The following COL27A1 variants were observed in gnomAD, a reference collection of about 807,000 sequenced individuals.
COL27A1 encodes the protein collagen alpha-1(XXVII) chain.
In COL27A1, 106 loss-of-function variants were observed where a neutral mutation model predicts 251.3. The observed-to-expected ratio is 0.42, with a 90% CI of 0.36 to 0.50. COL27A1 has a LOEUF of 0.50. Among genes scored for constraint, COL27A1 ranks in the 20% least tolerant of loss-of-function variants. The pLI is 0.00. For missense variants in COL27A1, 2,325 were observed against 2,522.8 expected (o/e 0.92, Z 1.68); for synonymous variants, 1,000 against 986.3 (o/e 1.01, Z -0.26).
chr9:114,301,456 T>C lies in COL27A1; in HGVS notation c.4803T>C (p.Gly1601=), dbSNP rs1157304350. Residue 1601 remains glycine (G), a synonymous_variant, in exon 54 of 61, where the codon GGT becomes GGC. Transcript: ENST00000356083. ...CTGTCTCCCTCCAGGGATTGCAAGG[T>C]CCGAGGGTGAGTGGGCTGGGCATGA... is the stretch of plus-strand genomic sequence containing the variant. ...KGSRGDWGLQ[G]PRGPPGPRGR... is the part of the protein sequence containing the mutation. 1 of 1,463,160 alleles carries C rather than the reference T, an allele frequency of 6.8e-7. No individual in the cohort carries two copies. Among genetic ancestry groups the C allele is most frequent in the South Asian group, 1.1e-5 (1 of 89,060 alleles). 90.6% of individuals were successfully genotyped at this position (1,463,160 alleles called of 1,614,324 possible).
chr9:114,184,649 C>G (rs1828192573), intron 5 of COL27A1, among the ~76,000 whole-genome samples: 1 of 152,212 alleles, frequency 6.6e-6, no homozygotes, highest in East Asian at 1.9e-4. Flanking sequence ...ATACTGAACC[C>G]TTCCTGTGTG....
Position 114,253,069 on chromosome 9 carries a change from GACAA to G in COL27A1, c.3141+141_3141+144del, listed in dbSNP as rs1833650844. The G allele has an allele frequency of 4.1e-6, 3 of 723,250 alleles. No homozygotes were observed. The Admixed American group carries it at 7.6e-5, about 18-fold the overall frequency. The allele number at this position is 723,250 out of a possible 1,614,324, so 44.8% of individuals were successfully genotyped here. A position where few individuals can be genotyped will look rare whatever the true frequency, so the allele number is the denominator to read the frequency against. On this transcript the variant is annotated intron_variant, in intron 27 of 60. Coordinates refer to ENST00000356083, the MANE Select transcript of COL27A1 (RefSeq NM_032888.4). ...TGAGGCCAGAGTTCAAGACCAGCCT[GACAA>G]ACATACCAAAACCTTGTCTCTACGG...
intron 36 of COL27A1, chr9:114,272,632 T>A (rs976338986): frequency 6.6e-6 from 1 of 152,230 alleles, no homozygotes; most frequent in Non-Finnish European, 1.5e-5. Flanking sequence ...ATGATGGTGG[T>A]GGTGACCAAT....
At chr9:114,155,234 C>T (rs1265313376), upstream of COL27A1, among the ~76,000 whole-genome samples, 1 of 152,090 alleles carries the variant, frequency 6.6e-6, no homozygotes, top group African/African-American at 2.4e-5. This position sits in a 1 kb window ranked among gnomAD's most constrained non-coding sequence, Gnocchi z 5.5. Context: ...CCTACCCCAA[C>T]CCCCCATTGG....
At chr9:114,193,099 G>A (rs1383223727) in intron 5 of COL27A1, among the ~76,000 whole-genome samples, 1 of 152,160 alleles carries the variant, frequency 6.6e-6, no homozygotes, top group East Asian at 1.9e-4. Flanking sequence ...CTTGCCTGAG[G>A]TCCCACTGTG....
In COL27A1 at chr9:114,282,391, C is replaced by A. The variant is rs148528325; in HGVS notation, c.3771+61C>A. On this transcript the variant is annotated intron_variant, in intron 38 of 60. Transcript: ENST00000356083. Reference sequence around the variant, plus strand: ...CCTCCCCCGCATCCCTTCCCCACATCCCTCCCCTCCCTGGACCCTCCGTCC... The same window carrying A: ...CCTCCCCCGCATCCCTTCCCCACATACCTCCCCTCCCTGGACCCTCCGTCC... 19 of 1,601,154 alleles carry A rather than the reference C, an allele frequency of 1.2e-5. No homozygotes were observed. The East Asian group carries it at 3.6e-4, about 30-fold the overall frequency.
At chr9:114,161,064 C>T (rs1258936182) in intron 1 of COL27A1, among the ~76,000 whole-genome samples, 1 of 152,130 alleles carries the variant, frequency 6.6e-6, no homozygotes, top group African/African-American at 2.4e-5. Context: ...CAAGGAAGAG[C>T]AGTACTAGGG....
chr9:114,198,483 C>A (rs1164398254), intron 7 of COL27A1, among the ~76,000 whole-genome samples: 1 of 152,174 alleles, frequency 6.6e-6, no homozygotes, highest in Non-Finnish European at 1.5e-5. Flanking sequence ...GAGTGGGACT[C>A]AGGCATCAGT....
rs1007649803 is a variant in COL27A1 at position 114,300,439 on chromosome 9, G to A, written c.4639-186G>A. On this transcript the variant is annotated intron_variant, in intron 50 of 60. Coordinates refer to ENST00000356083, the MANE Select transcript of COL27A1 (RefSeq NM_032888.4). ...CCAGGGGCATATGCCACACAGCACT[G>A]AGCCAACACACTGCTGGTACCTGCT... The A allele has an allele frequency of 5.2e-6, 3 of 580,296 alleles. No homozygotes were observed. The African/African-American group carries it at 5.7e-5, about 11-fold the overall frequency. The allele number at this position is 580,296 out of a possible 1,614,324, so 35.9% of individuals were successfully genotyped here. A position where few individuals can be genotyped will look rare whatever the true frequency, so the allele number is the denominator to read the frequency against.
chr9:114,255,484 G>T (rs1217091626), intron 27 of COL27A1, among the ~76,000 whole-genome samples: 1 of 152,198 alleles, frequency 6.6e-6, no homozygotes, highest in Non-Finnish European at 1.5e-5. Flanking sequence ...AGCCAGGAAA[G>T]GAGTCACTGG....
At chr9:114,166,356 T>TATCCATCAATCC (rs1848859740) in intron 2 of COL27A1, among the ~76,000 whole-genome samples, 1 of 29,204 alleles carries the variant, frequency 3.4e-5, no homozygotes, top group African/African-American at 1.1e-4. Context: ...TGCATCCATG[T>TATCCATCAATCC]ATCCATCCAT....
chr9:114,156,112 T>A, intron 1 of COL27A1, 100 bp downstream of exon 1: 23 of 1,279,732 alleles, frequency 1.8e-5, no homozygotes, highest in Non-Finnish European at 2.3e-5. Flanking sequence ...CAGCGGAACG[T>A]CAGCTTCCTG....
chr9:114,248,404 C>T (rs1210316759), intron 24 of COL27A1, among the ~76,000 whole-genome samples: 3 of 152,222 alleles, frequency 2.0e-5, no homozygotes, highest in Non-Finnish European at 2.9e-5. Flanking sequence ...AGAAAACTTC[C>T]GGTAGCAGAC....
intron 14 of COL27A1, among the ~76,000 whole-genome samples, chr9:114,223,006 T>C (rs1375897046): frequency 6.6e-6 from 1 of 152,196 alleles, no homozygotes; most frequent in African/African-American, 2.4e-5. Context: ...GAGAGAGGCC[T>C]ATACACGAGG....
At chr9:114,206,151 A>G in intron 9 of COL27A1, 101 bp from the exon 10 acceptor site, 1 of 1,168,568 alleles carries the variant, frequency 8.6e-7, no homozygotes, top group Non-Finnish European at 1.3e-6. Context: ...CCATTCTACA[A>G]AGAGAGCAGC....
At chr9:114,292,315 A>C in intron 49 of COL27A1, 105 bp downstream of exon 49, 1 of 918,564 alleles carries the variant, frequency 1.1e-6, no homozygotes, top group Non-Finnish European at 1.7e-6. Flanking sequence ...ACACACAAAC[A>C]CACTGACCCA....
intron 12 of COL27A1, among the ~76,000 whole-genome samples, chr9:114,216,222 G>A (rs925752234): frequency 1.3e-5 from 2 of 152,238 alleles, no homozygotes; most frequent in African/African-American, 4.8e-5. Flanking sequence ...TCTCCAGAGG[G>A]GCCCGACCTG....
chr9:114,299,531 C>T (rs1040080982), intron 49 of COL27A1, among the ~76,000 whole-genome samples: 1 of 152,164 alleles, frequency 6.6e-6, no homozygotes, highest in Admixed American at 6.5e-5. Flanking sequence ...TAGCACAGTC[C>T]ACAACATGGT....
chr9:114,281,507 A>G (rs1418075494), intron 37 of COL27A1, among the ~76,000 whole-genome samples: 11 of 152,216 alleles, frequency 7.2e-5, no homozygotes, highest in Admixed American at 3.9e-4. Context: ...TGGGGACTCC[A>G]AGGAAAGTGG....
Sources: allele counts gnomAD v4.1 joint callset (sites outside exome capture counted in the v4.1 genomes callset), GRCh38; gene constraint gnomAD v4.1.1; non-coding constraint Gnocchi (gnomAD v3.1); transcripts MANE v1.5; gene names NCBI Gene and HGNC (gene_info 2026-07-23, HGNC 2026-07-21).